The following SATB2 variants were observed in gnomAD, a reference collection of about 807,000 sequenced individuals.
SATB2 encodes SATB homeobox 2.
In SATB2, 1 loss-of-function variant was observed where a neutral mutation model predicts 73.4. The ratio of observed to expected loss-of-function variants is 0.01; its 90% confidence interval spans 0.00 to 0.06. The LOEUF is 0.06. Among genes scored for constraint, SATB2 ranks in the 10% least tolerant of loss-of-function variants. The pLI is 1.00. For synonymous variants in SATB2, 397 were observed against 367.0 expected (o/e 1.08, Z -0.93); for missense variants, 459 against 945.8 (o/e 0.49, Z 6.75).
At chr2:199,322,227 C>A (rs916204539) in intron 9 of SATB2, among the ~76,000 whole-genome samples, 2 of 152,216 alleles carry the variant, frequency 1.3e-5, no homozygotes, top group African/African-American at 2.4e-5. Context: ...TTGATATTTA[C>A]ATCAAGTCAC....
intron 10 of SATB2, among the ~76,000 whole-genome samples, chr2:199,280,624 G>A (rs938340016): frequency 3.9e-5 from 6 of 152,166 alleles, no homozygotes; most frequent in East Asian, 1.9e-4. Flanking sequence ...TGTCTTTTAC[G>A]ATCACAGCTG....
upstream of SATB2, chr2:199,467,556 G>A (rs559474828): frequency 6.6e-6 from 1 of 152,370 alleles, no homozygotes; most frequent in Non-Finnish European, 1.5e-5. Context: ...GCTGAGGGCG[G>A]GGGAGAGAGA....
At chr2:199,456,701 T>C (rs961267767) in intron 1 of SATB2, among the ~76,000 whole-genome samples, 2 of 152,178 alleles carry the variant, frequency 1.3e-5, no homozygotes, top group Non-Finnish European at 2.9e-5. Flanking sequence ...CCGAAAACAC[T>C]TGGAGGTATT....
In SATB2 at chr2:199,308,456, C is replaced by T. The variant is rs934050958; in HGVS notation, c.1740+304G>A. 3.3e-5 allele frequency among the ~76,000 whole-genome samples: 5 copies of T among 152,072 alleles called. No homozygotes were observed. Among genetic ancestry groups the T allele is most frequent in the South Asian group, 2.1e-4 (1 of 4,818 alleles). Reference sequence around the variant, plus strand: ...ATCGAGAGATTTAATTCTCCGTGAGCGCTCTGGCTTTACAATCCCACAAGT... The same window carrying T: ...ATCGAGAGATTTAATTCTCCGTGAGTGCTCTGGCTTTACAATCCCACAAGT... On this transcript the variant is annotated intron_variant, in intron 10 of 10. Transcript: ENST00000417098. The surrounding 1 kb of genome is among the most constrained non-coding windows in gnomAD (Gnocchi z 4.6).
chr2:199,287,642 A>T (rs1298199326), intron 10 of SATB2, among the ~76,000 whole-genome samples: 1 of 152,186 alleles, frequency 6.6e-6, no homozygotes, highest in Admixed American at 6.5e-5. Context: ...TAAATTATGT[A>T]AGCTTCACTG....
At chr2:199,373,158 A>AG (rs1689499978) in intron 5 of SATB2, among the ~76,000 whole-genome samples, 1 of 152,128 alleles carries the variant, frequency 6.6e-6, no homozygotes, top group East Asian at 1.9e-4. Flanking sequence ...CCCCTGTCTG[A>AG]GGGAAGAGGA....
intron 6 of SATB2, among the ~76,000 whole-genome samples, chr2:199,355,344 G>A (rs77527553): frequency 0.35 from 1,327 of 3,844 alleles, 79 homozygotes; most frequent in Middle Eastern, 0.5. Context: ...GTGTGTGTGT[G>A]TATCTATATA....
At chr2:199,435,505 C>A (rs1373014094) in intron 2 of SATB2, among the ~76,000 whole-genome samples, 2 of 152,030 alleles carry the variant, frequency 1.3e-5, no homozygotes, top group African/African-American at 4.8e-5. Flanking sequence ...CCCGTCAACA[C>A]GCCTGGCTAA....
In SATB2 at chr2:199,417,233, C is replaced by A. The variant is rs1691021299; in HGVS notation, c.346+16105G>T. Reference sequence around the variant, plus strand: ...ATATAATTCGGCATGAAGCTACCTCCTGTGAAATGCTCTAGGAGAGAGGAT... The same window carrying A: ...ATATAATTCGGCATGAAGCTACCTCATGTGAAATGCTCTAGGAGAGAGGAT... On this transcript the variant is annotated intron_variant, in intron 3 of 10. Transcript: ENST00000417098. Among the ~76,000 whole-genome samples, 3 of 151,870 alleles carry A rather than the reference C, an allele frequency of 2.0e-5. No homozygotes were observed. In the South Asian group the frequency reaches 6.2e-4, roughly 32 times the overall value.
intron 3 of SATB2, among the ~76,000 whole-genome samples, chr2:199,391,084 G>A (rs747395619): frequency 6.0e-4 from 92 of 152,242 alleles, no homozygotes; most frequent in African/African-American, 9.9e-4. Flanking sequence ...AAGCAACTAC[G>A]GCTATAACTG....
chr2:199,404,091 C>T (rs957970026), intron 3 of SATB2, among the ~76,000 whole-genome samples: 6 of 152,190 alleles, frequency 3.9e-5, no homozygotes, highest in East Asian at 1.9e-4. Flanking sequence ...AAACGCTGTA[C>T]GGAGGAACTT....
intron 2 of SATB2, among the ~76,000 whole-genome samples, chr2:199,440,973 C>G (rs1055124715): frequency 1.3e-4 from 20 of 151,972 alleles, no homozygotes; most frequent in Non-Finnish European, 2.5e-4. Context: ...CTCAGCCTCC[C>G]AAGTAGCTGG....
At chr2:199,292,009 G>C (rs1193151093) in intron 10 of SATB2, among the ~76,000 whole-genome samples, 2 of 151,886 alleles carry the variant, frequency 1.3e-5, no homozygotes. Flanking sequence ...TCTGAGAAGA[G>C]AACAGATTTA....
chr2:199,332,697 C>G (rs1688222434), intron 7 of SATB2, among the ~76,000 whole-genome samples: 1 of 152,050 alleles, frequency 6.6e-6, no homozygotes, highest in African/African-American at 2.4e-5. Flanking sequence ...CTTTCTGTGT[C>G]AATGAGCTTT....
At chr2:199,294,119 T>C (rs539856238) in intron 10 of SATB2, among the ~76,000 whole-genome samples, 1 of 152,282 alleles carries the variant, frequency 6.6e-6, no homozygotes, top group East Asian at 1.9e-4. Flanking sequence ...ATGCTGCAAA[T>C]GTAGATGAAT....
upstream of SATB2, among the ~76,000 whole-genome samples, chr2:199,468,584 C>T (rs532467582): frequency 6.6e-6 from 1 of 152,310 alleles, no homozygotes; most frequent in East Asian, 1.9e-4. Flanking sequence ...TATCCACTCT[C>T]GCACCTCCTC....
intron 3 of SATB2, among the ~76,000 whole-genome samples, chr2:199,393,120 A>ACC (rs1181508462): frequency 6.6e-6 from 1 of 152,142 alleles, no homozygotes; most frequent in East Asian, 1.9e-4. Context: ...ATCAGGGACC[A>ACC]CCCACCCTCT....
At chr2:199,312,074 CA>C (rs1303597460) in intron 9 of SATB2, among the ~76,000 whole-genome samples, 3 of 150,688 alleles carry the variant, frequency 2.0e-5, no homozygotes, top group African/African-American at 7.3e-5. Context: ...TCAAATAAAA[CA>C]GTGACAGATG....
At chr2:199,424,222 A>G (rs1331164643) in intron 3 of SATB2, among the ~76,000 whole-genome samples, 1 of 152,216 alleles carries the variant, frequency 6.6e-6, no homozygotes, top group Non-Finnish European at 1.5e-5. Context: ...CAGCTCTCAA[A>G]GCTGCCATCA....
Sources: allele counts gnomAD v4.1 joint callset (sites outside exome capture counted in the v4.1 genomes callset), GRCh38; gene constraint gnomAD v4.1.1; non-coding constraint Gnocchi (gnomAD v3.1); transcripts MANE v1.5; gene names NCBI Gene and HGNC (gene_info 2026-07-23, HGNC 2026-07-21).